Variants in KAT6A observed in about 807,000 individuals in gnomAD.
The protein encoded by KAT6A is histone acetyltransferase KAT6A.
A neutral mutation model predicts 198.4 loss-of-function variants in KAT6A; 9 were observed. The ratio of observed to expected loss-of-function variants is 0.05; its 90% CI spans 0.03 to 0.08. The LOEUF (loss-of-function observed/expected upper bound fraction) is 0.08. Among genes scored for constraint, KAT6A ranks in the 10% least tolerant of loss-of-function variants. The pLI, the probability that KAT6A is intolerant of heterozygous loss-of-function variation, is 1.00. For missense variants in KAT6A, 2,077 were observed against 2,509.9 expected, an observed-to-expected ratio of 0.83 and a Z score of 3.69; for synonymous variants, 890 against 883.0, an observed-to-expected ratio of 1.01 and a Z score of -0.14.
At chr8:41,997,447 T>C (rs1186737132) in intron 2 of KAT6A, among the ~76,000 whole-genome samples, 1 of 152,212 alleles carries the variant, frequency 6.6e-6, no homozygotes, top group African/African-American at 2.4e-5. Flanking sequence ...ACAATTATAT[T>C]TGGCTACTGA....
chr8:42,047,217 T>G (rs1323304231), intron 2 of KAT6A, among the ~76,000 whole-genome samples: 1 of 152,218 alleles, frequency 6.6e-6, no homozygotes, highest in African/African-American at 2.4e-5. Flanking sequence ...TCAGAGCACC[T>G]TAAGTAAATT....
Position 41,930,542 on chromosome 8 carries a change from A to G in KAT6A, c.*1663T>C, listed in dbSNP as rs999559061. The G allele has an allele frequency of 1.3e-4, 25 of 192,342 alleles. No individual in the cohort carries two copies. Among genetic ancestry groups the G allele is most frequent in the Non-Finnish European group, 2.4e-4 (22 of 92,388 alleles). 11.9% of individuals were successfully genotyped at this position (192,342 alleles called of 1,614,324 possible). On this transcript the variant is annotated 3_prime_UTR_variant, in exon 17 of 17. Coordinates refer to ENST00000265713, the MANE Select transcript of KAT6A (RefSeq NM_006766.5). ...TAGTACTTTAAAAATTTATCTATAT[A>G]AAATGTACAAATAAAGGAGAGAATT...
At chr8:41,977,576 T>C (rs1288190253) in intron 6 of KAT6A, 1 of 373,628 alleles carries the variant, frequency 2.7e-6, no homozygotes, top group African/African-American at 2.1e-5. Context: ...CTTGTTCTAG[T>C]CATAATTCTC....
At chr8:41,987,636 T>C (rs1824688535) in intron 2 of KAT6A, 73 bp from the exon 3 acceptor site, 2 of 887,994 alleles carry the variant, frequency 2.3e-6, no homozygotes, top group Non-Finnish European at 3.6e-6. Flanking sequence ...ATCAAAATTA[T>C]AGTTTTAAAT....
chr8:41,942,785 G>A lies in KAT6A; in HGVS notation c.2436+8C>T. ...GTCATCAAAAATAGAGACTATTCAT[G>A]CCCTTACACTGATCTCTAATTCTCT... On this transcript the variant is annotated splice_region_variant and intron_variant, in intron 14 of 16. Coordinates refer to ENST00000265713, the MANE Select transcript of KAT6A (RefSeq NM_006766.5). 6.2e-7 allele frequency: 1 copy of A among 1,613,594 alleles called. No homozygotes were observed. The highest frequency in any genetic ancestry group is 8.5e-7 in the Non-Finnish European group (1 of 1,179,730).
chr8:41,947,341 TG>T (rs1373626103), intron 11 of KAT6A, among the ~76,000 whole-genome samples: 4 of 152,224 alleles, frequency 2.6e-5, no homozygotes, highest in African/African-American at 4.8e-5. Flanking sequence ...TCTAAGGGAA[TG>T]GAAGATTAAA....
chr8:41,996,937 T>C (rs1825242088), intron 2 of KAT6A, among the ~76,000 whole-genome samples: 1 of 152,120 alleles, frequency 6.6e-6, no homozygotes, highest in South Asian at 2.1e-4. Flanking sequence ...ATATATTATA[T>C]ATTATATGAT....
At chr8:41,936,714 T>C (rs925422968) in intron 16 of KAT6A, among the ~76,000 whole-genome samples, 5 of 152,226 alleles carry the variant, frequency 3.3e-5, no homozygotes, top group Non-Finnish European at 5.9e-5. Flanking sequence ...TTACTACTAG[T>C]TGGGTAAGAC....
rs10104089 is a variant in KAT6A, at chr8:41,941,394, T to C, written c.2487A>G (p.Val829=). 8.7e-4 allele frequency: 1,396 copies of C among 1,609,668 alleles called. 6 individuals are homozygous for C. In the African/African-American group the frequency reaches 0.016, roughly 19 times the overall value. The change falls in exon 15 of 17, where the codon GTA becomes GTG. Residue 829 remains valine, a synonymous_variant. Transcript: ENST00000265713. ...TAACTTCTGGTTTCTTTTCACTTTC[T>C]ACTGAATAAGAATCTTGTTCTTTGT... is the stretch of plus-strand genomic sequence containing the variant. ...HENKEQDSYS[V]ESEKKPEVMA...
At chr8:42,028,835 C>T (rs1826970765) in intron 2 of KAT6A, among the ~76,000 whole-genome samples, 1 of 152,054 alleles carries the variant, frequency 6.6e-6, no homozygotes, top group South Asian at 2.1e-4. Context: ...TTGGTAATTT[C>T]CTGTGGTAAT....
rs116811647 is a variant in KAT6A at position 41,955,181 on chromosome 8, C to A, written c.1598+115G>T. On this transcript the variant is annotated intron_variant, in intron 9 of 16. Transcript: ENST00000265713. ...GCTGCTATTATGGACATTTAAAAGC[C>A]CCCAGTTTCCTCAAATGTAAAGGAT... 255 of 685,742 alleles carry A rather than the reference C, an allele frequency of 3.7e-4. No homozygotes were observed. The African/African-American group carries it at 4.3e-3, about 12-fold the overall frequency. The allele number at this position is 685,742 out of a possible 1,614,324, so 42.5% of individuals were successfully genotyped here.
At chr8:42,025,113 T>G (rs915919313) in intron 2 of KAT6A, among the ~76,000 whole-genome samples, 2 of 152,228 alleles carry the variant, frequency 1.3e-5, no homozygotes, top group Non-Finnish European at 2.9e-5. Context: ...ACTTATTTTT[T>G]GTCTTTTTGA....
intron 2 of KAT6A, among the ~76,000 whole-genome samples, chr8:42,012,670 A>C (rs2150909678): frequency 6.6e-6 from 1 of 152,302 alleles, no homozygotes; most frequent in Non-Finnish European, 1.5e-5. Context: ...TGAGGGAATA[A>C]ATTTCTGCTG....
Position 41,933,305 on chromosome 8 carries a change from C to A in KAT6A, c.4915G>T (p.Val1639Leu). 1.3e-6 allele frequency: 2 copies of A among 1,578,718 alleles called. No individual in the cohort carries two copies. The highest frequency in any genetic ancestry group is 1.7e-6 in the Non-Finnish European group (2 of 1,167,148). The part of the protein sequence containing the change: ...NCSIKSPQSC[V>L]VERPPSNQQQ... ...TGGTTACTGGGAGGCCTCTCCACCA[C>A]GCAGCTCTGAGGTGACTTGATGCTG... The change falls in exon 17 of 17, where the codon GTG becomes TTG. Residue 1639 changes from valine to leucine, a missense_variant. By Grantham distance (32) the Val-to-Leu change is conservative (BLOSUM62 1). Transcript: ENST00000265713. This position sits in a 1 kb window ranked among gnomAD's most constrained non-coding sequence, Gnocchi z 6.2.
At chr8:41,973,228 AT>A (rs781037656) in intron 8 of KAT6A, among the ~76,000 whole-genome samples, 367 of 144,590 alleles carry the variant, frequency 2.5e-3, no homozygotes, top group Admixed American at 2.5e-3. Context: ...CAGCCTTAGA[AT>A]TTTTTTTTTT....
chr8:41,971,956 A>G (rs774002309), intron 8 of KAT6A, among the ~76,000 whole-genome samples: 26 of 152,320 alleles, frequency 1.7e-4, no homozygotes, highest in Middle Eastern at 3.4e-3. Context: ...TAGAGCTACC[A>G]TTTACTCTTG....
At chr8:41,969,653 T>C (rs1038450892) in intron 8 of KAT6A, among the ~76,000 whole-genome samples, 1 of 152,212 alleles carries the variant, frequency 6.6e-6, no homozygotes, top group African/African-American at 2.4e-5. Flanking sequence ...AGAAAAACCA[T>C]TTTTTAATGA....
In KAT6A at chr8:41,930,450, GA is replaced by G. The variant is rs1821472053; in HGVS notation, c.*1754del. ...CTGCGTTTCTACCTAGCACGCTTGA[GA>G]AAGTCAATTAAAGTGTATTAAAAAA... On this transcript the variant is annotated 3_prime_UTR_variant, in exon 17 of 17. Coordinates refer to ENST00000265713, the MANE Select transcript of KAT6A (RefSeq NM_006766.5). 4.5e-6 allele frequency: 1 copy of G among 220,086 alleles called. No homozygotes were observed. Among genetic ancestry groups the G allele is most frequent in the Non-Finnish European group, 9.1e-6 (1 of 109,910 alleles). 13.6% of individuals were successfully genotyped at this position (220,086 alleles called of 1,614,324 possible).
rs772037520 is a variant in KAT6A, at chr8:42,048,957, C to T, written c.21G>A (p.Pro7=). The T allele has an allele frequency of 1.7e-5, 28 of 1,612,776 alleles. No homozygotes were observed. Among genetic ancestry groups the T allele is most frequent in the South Asian group, 2.2e-5 (2 of 90,992 alleles). The part of the protein sequence containing the change: MVKLAN[P]LYTEWILEAI... The stretch of plus-strand genomic sequence containing the variant: ...CCTCCAAAATCCACTCAGTATAAAG[C>T]GGGTTTGCGAGTTTTACCATGGTGA... Residue 7 remains proline (P), a synonymous_variant, in exon 2 of 17, where the codon CCG becomes CCA. Coordinates refer to ENST00000265713, the MANE Select transcript of KAT6A (RefSeq NM_006766.5).
Sources: gnomAD v4.1 joint callset for allele counts (sites outside exome capture counted in the v4.1 genomes callset) on GRCh38, gnomAD v4.1.1 for gene constraint, Gnocchi (gnomAD v3.1) non-coding constraint, MANE v1.5 for transcripts, NCBI Gene and HGNC (gene_info 2026-07-23, HGNC 2026-07-21) for gene names.